Variants in ADARB1 observed in about 807,000 individuals in gnomAD.
The protein encoded by ADARB1 is adenosine deaminase RNA specific B1.
A neutral mutation model predicts 52.4 loss-of-function variants in ADARB1; 10 were observed. That is an observed-to-expected ratio of 0.19 (90% CI 0.12 to 0.32). ADARB1 has a LOEUF of 0.32. ADARB1 is among the 10% of genes least tolerant of loss of function. The pLI, the probability that ADARB1 is intolerant of heterozygous loss-of-function variation, is 1.00. For missense variants in ADARB1, 643 were observed against 922.3 expected (o/e 0.70, Z 3.92); for synonymous variants, 349 against 371.1 (o/e 0.94, Z 0.68).
intron 2 of ADARB1, among the ~76,000 whole-genome samples, chr21:45,150,481 T>C (rs1416645074): frequency 1.3e-5 from 2 of 152,218 alleles, no homozygotes; most frequent in Admixed American, 6.5e-5. Context: ...TAAAGCTGAG[T>C]TTTAAATTTA....
At chr21:45,185,330 C>CA (rs2092067279) in intron 8 of ADARB1, among the ~76,000 whole-genome samples, 1 of 152,248 alleles carries the variant, frequency 6.6e-6, no homozygotes, top group African/African-American at 2.4e-5. Context: ...CCAAGCGTCT[C>CA]AGAGTTTACC....
intron 2 of ADARB1, among the ~76,000 whole-genome samples, chr21:45,161,098 G>A (rs1200344471): frequency 6.6e-6 from 1 of 152,188 alleles, no homozygotes; most frequent in East Asian, 1.9e-4. Context: ...TAGTGTGGAT[G>A]AGGCTGGTGA....
chr21:45,199,643 G>A (rs8134789), intron 8 of ADARB1, among the ~76,000 whole-genome samples: 103,777 of 152,130 alleles, frequency 0.68, 35,943 homozygotes, highest in African/African-American at 0.81. Flanking sequence ...GGGTTCTTCA[G>A]TAAGGCACAG....
chr21:45,162,580 G>A (rs1171258319), intron 2 of ADARB1, among the ~76,000 whole-genome samples: 1 of 152,198 alleles, frequency 6.6e-6, no homozygotes, highest in East Asian at 1.9e-4. Flanking sequence ...AGGATCCTAT[G>A]ACACTGGGTT....
In ADARB1 at chr21:45,169,594, A is replaced by G. The variant is rs1025100602; in HGVS notation, c.-47-2016A>G. Among the ~76,000 whole-genome samples the G allele has an allele frequency of 2.0e-5, 3 of 152,076 alleles. No homozygotes were observed. In the South Asian group the frequency reaches 6.2e-4, roughly 31 times the overall value. Reference sequence around the variant, plus strand: ...CTCTCAGTCTTTTTATGTGTGTTTTATGTATAATATCCAGGATTTTTAGTT... The same window carrying G: ...CTCTCAGTCTTTTTATGTGTGTTTTGTGTATAATATCCAGGATTTTTAGTT... On this transcript the variant is annotated intron_variant, in intron 2 of 10. Transcript: ENST00000348831.
At chr21:45,189,263 AT>A (rs2092212900) in intron 8 of ADARB1, among the ~76,000 whole-genome samples, 1 of 151,396 alleles carries the variant, frequency 6.6e-6, no homozygotes, top group African/African-American at 2.4e-5. Context: ...TTCTACAGGT[AT>A]TTTCTTTGTG....
chr21:45,220,690 C>T lies in ADARB1; in HGVS notation c.1748-146C>T. On this transcript the variant is annotated intron_variant, in intron 9 of 10. Transcript: ENST00000348831. This position sits in a 1 kb window ranked among gnomAD's most constrained non-coding sequence, Gnocchi z 6.3. ...GCCACTGCCACGGCAGATGCACGCT[C>T]AAGTCTGCGTATATTCCTCGGCAGG... The T allele has an allele frequency of 1.2e-6, 1 of 818,856 alleles. No homozygotes were observed. The highest frequency in any genetic ancestry group is 1.9e-6 in the Non-Finnish European group (1 of 522,328). 50.7% of individuals were successfully genotyped at this position (818,856 alleles called of 1,614,324 possible).
intron 1 of ADARB1, among the ~76,000 whole-genome samples, chr21:45,080,690 A>G (rs77423896): frequency 0.079 from 12,067 of 152,310 alleles, 549 homozygotes; most frequent in East Asian, 0.15. Context: ...CTTTTCTCTA[A>G]AAGTATTGTT....
intron 9 of ADARB1, among the ~76,000 whole-genome samples, chr21:45,215,518 C>T (rs748985669): frequency 5.9e-5 from 9 of 152,028 alleles, no homozygotes; most frequent in Non-Finnish European, 1.2e-4. Context: ...GTCCCAGCTA[C>T]TTGGGAACTA....
Position 45,128,468 on chromosome 21 carries a change from C to T in ADARB1, c.-153C>T, listed in dbSNP as rs1373922267. The stretch of plus-strand genomic sequence containing the variant: ...CTGAAGGAGACACACTGGCCAAGCG[C>T]GGAGTTCTGCTTACTTCAGTCCTGC... On this transcript the variant is annotated 5_prime_UTR_variant, in exon 2 of 11. Transcript: ENST00000348831. The surrounding 1 kb of genome is among the most constrained non-coding windows in gnomAD (Gnocchi z 4.6). The T allele has an allele frequency of 1.3e-5, 2 of 152,186 alleles. No homozygotes were observed. The highest frequency in any genetic ancestry group is 2.9e-5 in the Non-Finnish European group (2 of 68,034). 9.4% of individuals were successfully genotyped at this position (152,186 alleles called of 1,614,324 possible). A position where few individuals can be genotyped will look rare whatever the true frequency, so the allele number is the denominator to read the frequency against.
intron 9 of ADARB1, among the ~76,000 whole-genome samples, chr21:45,211,929 A>T (rs756329949): frequency 1.3e-5 from 2 of 152,192 alleles, no homozygotes; most frequent in Non-Finnish European, 2.9e-5. Flanking sequence ...CTGCCCCAGA[A>T]AAAGCGTATG....
At chr21:45,198,293 A>G (rs1171216370) in intron 8 of ADARB1, among the ~76,000 whole-genome samples, 2 of 152,202 alleles carry the variant, frequency 1.3e-5, no homozygotes, top group Admixed American at 6.5e-5. Flanking sequence ...GACAGAAGGC[A>G]CTACCAAAAC....
At position 45,222,822 on chromosome 21, in the gene ADARB1, C is replaced by G; in HGVS notation, c.*625C>G. On this transcript the variant is annotated 3_prime_UTR_variant, in exon 11 of 11. Coordinates refer to ENST00000348831, the MANE Select transcript of ADARB1 (RefSeq NM_001112.4). ...CAGTCTCTCCCTGAGGAGCAGACTC[C>G]CAGCATGGTGTAGCGTGGCCCTGTC... 1 of 985,494 alleles carries G rather than the reference C, an allele frequency of 1.0e-6. No homozygotes were observed. The allele number at this position is 985,494 out of a possible 1,614,324, so 61.0% of individuals were successfully genotyped here. A position where few individuals can be genotyped will look rare whatever the true frequency, so the allele number is the denominator to read the frequency against.
chr21:45,142,067 C>T lies in ADARB1; in HGVS notation c.-48+13494C>T, dbSNP rs1028961894. Among the ~76,000 whole-genome samples, 1 of 152,178 alleles carries T rather than the reference C, an allele frequency of 6.6e-6. No homozygotes were observed. Among genetic ancestry groups the T allele is most frequent in the African/African-American group, 2.4e-5 (1 of 41,450 alleles). On this transcript the variant is annotated intron_variant, in intron 2 of 10. Transcript: ENST00000348831. This position sits in a 1 kb window ranked among gnomAD's most constrained non-coding sequence, Gnocchi z 4.0. The stretch of plus-strand genomic sequence containing the variant: ...AGCCACCTCTGGGTGTCCTTAGCCA[C>T]CCCCGGGCCACCTTGGCCACTCTGG...
chr21:45,163,244 A>C (rs1281465758), intron 2 of ADARB1, among the ~76,000 whole-genome samples: 1 of 152,246 alleles, frequency 6.6e-6, no homozygotes, highest in Non-Finnish European at 1.5e-5. Flanking sequence ...TATACAGTCA[A>C]GTTTAGATGT....
At chr21:45,180,522 C>A in intron 5 of ADARB1, 78 bp downstream of exon 5, 4 of 1,167,524 alleles carry the variant, frequency 3.4e-6, no homozygotes, top group South Asian at 2.6e-5. Context: ...TCGACAAAAA[C>A]CACTGTGCCA....
rs1569039689 is a variant in ADARB1, at chr21:45,128,229, C to G, written c.-219-173C>G. 6.6e-6 allele frequency among the ~76,000 whole-genome samples: 1 copy of G among 152,208 alleles called. No individual in the cohort carries two copies. The highest frequency in any genetic ancestry group is 2.4e-5 in the African/African-American group (1 of 41,444). The stretch of plus-strand genomic sequence containing the variant: ...AGACGGACGGAGACGTGATGGATTG[C>G]GCATATCCCCTTTACAGATTCGGAA... On this transcript the variant is annotated intron_variant, in intron 1 of 10. Transcript: ENST00000348831. This position sits in a 1 kb window ranked among gnomAD's most constrained non-coding sequence, Gnocchi z 4.6.
chr21:45,101,590 G>A (rs933964433), intron 1 of ADARB1, among the ~76,000 whole-genome samples: 1 of 152,228 alleles, frequency 6.6e-6, no homozygotes, highest in Non-Finnish European at 1.5e-5. Flanking sequence ...GGAGTTTAAA[G>A]GAAGCGTTGC....
At chr21:45,192,901 G>A (rs2092337215) in intron 8 of ADARB1, among the ~76,000 whole-genome samples, 1 of 152,136 alleles carries the variant, frequency 6.6e-6, no homozygotes, top group Admixed American at 6.5e-5. Flanking sequence ...GATAACTTGG[G>A]CTATCTATAT....
Sources: gnomAD v4.1 joint callset for allele counts (sites outside exome capture counted in the v4.1 genomes callset) on GRCh38, gnomAD v4.1.1 for gene constraint, Gnocchi (gnomAD v3.1) non-coding constraint, MANE v1.5 for transcripts, NCBI Gene and HGNC (gene_info 2026-07-23, HGNC 2026-07-21) for gene names.